The following GALNT13 variants were observed in gnomAD, a reference collection of about 807,000 sequenced individuals.
GALNT13 encodes UDP-GalNAc:polypeptide N-acetylgalactosaminyltransferase 13.
In GALNT13, 28 loss-of-function variants were observed where a neutral mutation model predicts 64.2. The observed-to-expected ratio is 0.44, with a 90% CI of 0.32 to 0.60. The LOEUF (loss-of-function observed/expected upper bound fraction) is 0.60, where lower values mean the gene tolerates loss of function less well. Among genes scored for constraint, GALNT13 ranks in the 20% least tolerant of loss-of-function variants. The pLI, the probability that GALNT13 is intolerant of heterozygous loss-of-function variation, is 0.05. For synonymous variants in GALNT13, 214 were observed against 224.6 expected, an observed-to-expected ratio of 0.95 and a Z score of 0.42; for missense variants, 577 against 669.8, an observed-to-expected ratio of 0.86 and a Z score of 1.53.
At chr2:154,430,459 A>G (rs1299404672) in intron 11 of GALNT13, among the ~76,000 whole-genome samples, 1 of 152,154 alleles carries the variant, frequency 6.6e-6, no homozygotes, top group Non-Finnish European at 1.5e-5. Flanking sequence ...GAATTTCTGC[A>G]CTCTCAAGCT....
At chr2:153,562,058 CTCTGTGTGTG>C in the GALNT13 span, among the ~76,000 whole-genome samples, 135 of 87,208 alleles carry the variant, frequency 1.5e-3, no homozygotes, top group African/African-American at 5.7e-3. Context: ...CTCTCTCTCT[CTCTGTGTGTG>C]TGTGTGTGTG....
the GALNT13 span, among the ~76,000 whole-genome samples, chr2:153,540,022 A>C: frequency 6.6e-6 from 1 of 152,234 alleles, no homozygotes; most frequent in African/African-American, 2.4e-5. Flanking sequence ...TGAGGAGCCA[A>C]ATGTTAATTG....
the GALNT13 span, among the ~76,000 whole-genome samples, chr2:153,115,470 T>A: frequency 6.6e-6 from 1 of 152,232 alleles, no homozygotes; most frequent in Non-Finnish European, 1.5e-5. Flanking sequence ...ATGTTTTCAC[T>A]TGATTTTGGT....
chr2:153,378,026 C>A, the GALNT13 span, among the ~76,000 whole-genome samples: 1 of 151,938 alleles, frequency 6.6e-6, no homozygotes, highest in Non-Finnish European at 1.5e-5. Flanking sequence ...TTGCCATTTT[C>A]TTTGCTGACA....
the GALNT13 span, among the ~76,000 whole-genome samples, chr2:153,678,689 GA>G: frequency 0.013 from 1,962 of 151,924 alleles, 18 homozygotes; most frequent in Middle Eastern, 0.037. Flanking sequence ...GGAAAGGGGG[GA>G]AAAAAAGTAG....
At chr2:153,617,610 G>C in the GALNT13 span, among the ~76,000 whole-genome samples, 1 of 151,674 alleles carries the variant, frequency 6.6e-6, no homozygotes, top group Non-Finnish European at 1.5e-5. Context: ...TTTTATTTTT[G>C]GAAAAGTTTG....
At chr2:153,722,039 T>C in the GALNT13 span, among the ~76,000 whole-genome samples, 1 of 148,780 alleles carries the variant, frequency 6.7e-6, no homozygotes, top group African/African-American at 2.5e-5. Flanking sequence ...TATTCCAAAA[T>C]TGACCACATA....
chr2:153,673,891 C>T, the GALNT13 span, among the ~76,000 whole-genome samples: 1 of 152,152 alleles, frequency 6.6e-6, no homozygotes, highest in African/African-American at 2.4e-5. Flanking sequence ...AAATCACAAG[C>T]ATTCCTATAC....
the GALNT13 span, among the ~76,000 whole-genome samples, chr2:153,693,303 TAAC>T: frequency 6.6e-6 from 1 of 152,206 alleles, no homozygotes; most frequent in African/African-American, 2.4e-5. Context: ...CTTCTTTGAC[TAAC>T]TACTCTTTTT....
chr2:154,290,399 C>T (rs754761086), intron 8 of GALNT13, among the ~76,000 whole-genome samples: 3 of 152,174 alleles, frequency 2.0e-5, no homozygotes, highest in Admixed American at 1.3e-4. Flanking sequence ...TAAGGCAAGC[C>T]GAACTTTTAC....
In GALNT13 at chr2:154,245,960, G is replaced by C; in HGVS notation, c.835G>C (p.Gly279Arg). Residue 279 changes from glycine (G) to arginine (R), a missense_variant, in exon 7 of 13, where the codon GGA (glycine) becomes CGA (arginine). Around this residue, in one of 3 missense-constraint regions of GALNT13, gnomAD observed 341 missense variants for 379.3 expected, o/e 0.90. Transcript: ENST00000392825. ...CCAAAGAGAAATGGACAGGAGGAAAGGAGACAGAACATTACCTGTCAGGTA... is the reference window on the plus strand; with the variant it reads ...CCAAAGAGAAATGGACAGGAGGAAACGAGACAGAACATTACCTGTCAGGTA... Reference protein sequence around the residue: ...VPQREMDRRKGDRTLPVRTPT... With the variant: ...VPQREMDRRKRDRTLPVRTPT... 1 of 1,613,038 alleles carries C rather than the reference G, an allele frequency of 6.2e-7. No individual in the cohort carries two copies. Among genetic ancestry groups the C allele is most frequent in the Non-Finnish European group, 8.5e-7 (1 of 1,179,292 alleles).
the GALNT13 span, among the ~76,000 whole-genome samples, chr2:153,380,025 A>G: frequency 6.6e-6 from 1 of 152,122 alleles, no homozygotes; most frequent in Non-Finnish European, 1.5e-5. Context: ...GGTACTTGAG[A>G]GATGAGAACA....
At chr2:154,161,131 A>G (rs2105664673) in intron 4 of GALNT13, among the ~76,000 whole-genome samples, 1 of 152,260 alleles carries the variant, frequency 6.6e-6, no homozygotes, top group South Asian at 2.1e-4. Flanking sequence ...GAGTTTCTTG[A>G]GAGGGTAAAA....
chr2:153,120,142 A>T, the GALNT13 span, among the ~76,000 whole-genome samples: 1 of 152,224 alleles, frequency 6.6e-6, no homozygotes, highest in Non-Finnish European at 1.5e-5. Flanking sequence ...ATAGTCATTG[A>T]TTGTAAACTC....
intron 4 of GALNT13, among the ~76,000 whole-genome samples, chr2:154,191,737 C>A (rs2105756832): frequency 6.6e-6 from 1 of 152,252 alleles, no homozygotes. Flanking sequence ...CTTGGGAGAG[C>A]AGGCAGATGG....
At chr2:153,359,278 G>A in the GALNT13 span, among the ~76,000 whole-genome samples, 3 of 152,198 alleles carry the variant, frequency 2.0e-5, no homozygotes, top group East Asian at 1.9e-4. Flanking sequence ...GCTCTCCAGC[G>A]TTATTTTATT....
intron 9 of GALNT13, among the ~76,000 whole-genome samples, chr2:154,392,715 C>T (rs971036241): frequency 6.6e-6 from 1 of 152,116 alleles, no homozygotes; most frequent in Non-Finnish European, 1.5e-5. Flanking sequence ...TGGAAAATCA[C>T]GGTACACTTT....
the GALNT13 span, among the ~76,000 whole-genome samples, chr2:153,804,533 C>T: frequency 6.6e-6 from 1 of 152,092 alleles, no homozygotes; most frequent in African/African-American, 2.4e-5. Flanking sequence ...TTAGTGAAAA[C>T]ATTATATCTG....
chr2:153,653,162 G>T, the GALNT13 span, among the ~76,000 whole-genome samples: 1 of 151,660 alleles, frequency 6.6e-6, no homozygotes, highest in Non-Finnish European at 1.5e-5. Flanking sequence ...CTCTAGAACA[G>T]ATGCTGAAAT....
Sources: gnomAD v4.1 joint callset for allele counts (sites outside exome capture counted in the v4.1 genomes callset) on GRCh38, gnomAD v4.1.1 for gene constraint, gnomAD v4.1.1 regional missense constraint, MANE v1.5 for transcripts, NCBI Gene and HGNC (gene_info 2026-07-23, HGNC 2026-07-21) for gene names.